The following NUAK2 variants were observed in gnomAD, a reference collection of about 807,000 sequenced individuals.
NUAK2 encodes NUAK family SNF1-like kinase 2.
A neutral mutation model predicts 29.8 loss-of-function variants in NUAK2; 20 were observed. The ratio of observed to expected loss-of-function variants is 0.67; its 90% CI spans 0.47 to 0.98. The LOEUF is 0.98. Ranked by LOEUF, NUAK2 falls within the 50% of genes least tolerant of loss-of-function variation. The probability of loss-of-function intolerance (pLI) is 0.00; values close to 1 mark genes in which losing one functional copy is unlikely to be tolerated. For missense variants in NUAK2, 719 were observed against 834.5 expected (o/e 0.86, Z 1.71); for synonymous variants, 331 against 342.6 (o/e 0.97, Z 0.37).
Position 205,311,590 on chromosome 1 carries a change from C to G in NUAK2, c.352+115G>C. On this transcript the variant is annotated intron_variant, in intron 2 of 6. Coordinates refer to ENST00000367157, the MANE Select transcript of NUAK2 (RefSeq NM_030952.3). ...ATCCAGCTCCTGCTCTTCTCTAGAG[C>G]CTATATTTTTTTTACTTCTTTATGT... 4 of 1,350,032 alleles carry G rather than the reference C, an allele frequency of 3.0e-6. No individual in the cohort carries two copies. In the South Asian group the frequency reaches 4.0e-5, roughly 13 times the overall value. The allele number at this position is 1,350,032 out of a possible 1,614,324, so 83.6% of individuals were successfully genotyped here.
At chr1:205,309,812 G>C (rs982232964) in intron 2 of NUAK2, among the ~76,000 whole-genome samples, 2 of 152,202 alleles carry the variant, frequency 1.3e-5, no homozygotes, top group African/African-American at 4.8e-5. Flanking sequence ...CCAGGGCAGG[G>C]CCTCATGCAT....
At position 205,303,780 on chromosome 1, in the gene NUAK2, G is replaced by C. The variant is rs1335638224; in HGVS notation, c.1557C>G (p.Thr519=). The C allele has an allele frequency of 1.9e-6, 3 of 1,559,832 alleles. No individual in the cohort carries two copies. The Admixed American group carries it at 5.7e-5, about 29-fold the overall frequency. ...CGAGTTCATCCAGGGAGCCGAAGGT[G>C]GTGGGGGCCGCGAGCTCCAAGGCTG... The part of the protein sequence containing the change: ...SQTALELAAP[T]TFGSLDELAP... Residue 519 remains threonine, a synonymous_variant, in exon 7 of 7, where the codon ACC becomes ACG. Coordinates refer to ENST00000367157, the MANE Select transcript of NUAK2 (RefSeq NM_030952.3).
rs1396328394 is a variant in NUAK2, at chr1:205,311,817, G to A, written c.240C>T (p.Ile80=). The part of the protein sequence containing the change: ...ARESSGRLVA[I]KSIRKDKIKD... Reference sequence around the variant, plus strand: ...TGATTTTGTCCTTCCGGATTGACTTGATGGCCACCTGGGAAGAGAAGGCAT... The same window carrying A: ...TGATTTTGTCCTTCCGGATTGACTTAATGGCCACCTGGGAAGAGAAGGCAT... The change falls in exon 2 of 7, where the codon ATC becomes ATT. Residue 80 remains isoleucine, a synonymous_variant. Coordinates refer to ENST00000367157, the MANE Select transcript of NUAK2 (RefSeq NM_030952.3). 6 of 1,613,892 alleles carry A rather than the reference G, an allele frequency of 3.7e-6. No individual in the cohort carries two copies. The highest frequency in any genetic ancestry group is 5.1e-6 in the Non-Finnish European group (6 of 1,179,982).
intron 1 of NUAK2, among the ~76,000 whole-genome samples, chr1:205,313,100 T>C (rs960157497): frequency 2.6e-5 from 4 of 152,160 alleles, no homozygotes; most frequent in Non-Finnish European, 5.9e-5. Context: ...TTAATGTGCA[T>C]AGTGTTTCGG....
intron 1 of NUAK2, among the ~76,000 whole-genome samples, chr1:205,320,169 C>T (rs1199169197): frequency 1.3e-5 from 2 of 152,242 alleles, no homozygotes; most frequent in Admixed American, 6.5e-5. Context: ...CAGTTAACCA[C>T]TGCTAACTAA....
rs778335391 is a variant in NUAK2 at position 205,308,607 on chromosome 1, C to T, written c.478G>A (p.Val160Ile). The T allele has an allele frequency of 1.2e-5, 20 of 1,613,902 alleles. No individual in the cohort carries two copies. The highest frequency in any genetic ancestry group is 4.5e-5 in the East Asian group (2 of 44,880). Residue 160 changes from valine to isoleucine, a missense_variant, in exon 3 of 7, where the codon GTC becomes ATC. By Grantham distance (29) the Val-to-Ile change is conservative (BLOSUM62 3). This residue lies in a region of NUAK2 where 283 missense variants were observed against 345.6 expected (regional missense o/e 0.82). Transcript: ENST00000367157. The surrounding 1 kb of genome is among the most constrained non-coding windows in gnomAD (Gnocchi z 4.1). Reference protein sequence around the residue: ...REARHFFRQIVSAVHYCHQNR... With the variant: ...REARHFFRQIISAVHYCHQNR... ...TGATGGCAATAGTGCACGGCAGAGA[C>T]GATCTGCCGGAAGAAATGCCTAGCT...
In NUAK2 at chr1:205,308,844, C is replaced by G; in HGVS notation, c.353-112G>C. On this transcript the variant is annotated intron_variant, in intron 2 of 6. Coordinates refer to ENST00000367157, the MANE Select transcript of NUAK2 (RefSeq NM_030952.3). This position sits in a 1 kb window ranked among gnomAD's most constrained non-coding sequence, Gnocchi z 4.1. ...CCCCAAACCAGACAGGACCCCCCTC[C>G]AGGAATATCTGCTAATGGGGCTATA... 8.3e-7 allele frequency: 1 copy of G among 1,211,648 alleles called. No homozygotes were observed. The highest frequency in any genetic ancestry group is 1.2e-6 in the Non-Finnish European group (1 of 853,438). 75.1% of individuals were successfully genotyped at this position (1,211,648 alleles called of 1,614,324 possible).
intron 1 of NUAK2, among the ~76,000 whole-genome samples, chr1:205,313,759 C>T (rs1185123973): frequency 2.0e-5 from 3 of 151,752 alleles, no homozygotes; most frequent in East Asian, 3.9e-4. Context: ...ACAGATGCCA[C>T]GGGGCCCTCA....
chr1:205,308,878 A>G lies in NUAK2; in HGVS notation c.353-146T>C. ...CTGCTAATGGGGCTATACGGTGGCAAATAAGGGCAGAAGAAGGGCCTTGGA... is the reference window on the plus strand; with the variant it reads ...CTGCTAATGGGGCTATACGGTGGCAGATAAGGGCAGAAGAAGGGCCTTGGA... On this transcript the variant is annotated intron_variant, in intron 2 of 6. Transcript: ENST00000367157. The surrounding 1 kb of genome is among the most constrained non-coding windows in gnomAD (Gnocchi z 4.1). 1.2e-6 allele frequency: 1 copy of G among 862,146 alleles called. No homozygotes were observed. The highest frequency in any genetic ancestry group is 1.8e-6 in the Non-Finnish European group (1 of 566,576). The allele number at this position is 862,146 out of a possible 1,614,324, so 53.4% of individuals were successfully genotyped here. A position where few individuals can be genotyped will look rare whatever the true frequency, so the allele number is the denominator to read the frequency against.
At position 205,304,773 on chromosome 1, in the gene NUAK2, G is replaced by A. The variant is rs1232222611; in HGVS notation, c.824-260C>T. 2.6e-5 allele frequency among the ~76,000 whole-genome samples: 4 copies of A among 152,170 alleles called. No individual in the cohort carries two copies. Among genetic ancestry groups the A allele is most frequent in the African/African-American group, 9.7e-5 (4 of 41,438 alleles). On this transcript the variant is annotated intron_variant, in intron 6 of 6. Transcript: ENST00000367157. This position sits in a 1 kb window ranked among gnomAD's most constrained non-coding sequence, Gnocchi z 6.5. ...CCCCTTCATAAGCCCTTGTGTGTATGTTGGTGTCTATCCTCTCTCTCTCCA... is the reference window on the plus strand; with the variant it reads ...CCCCTTCATAAGCCCTTGTGTGTATATTGGTGTCTATCCTCTCTCTCTCCA...
intron 1 of NUAK2, among the ~76,000 whole-genome samples, chr1:205,318,062 C>T (rs1189581284): frequency 6.6e-6 from 1 of 152,190 alleles, no homozygotes; most frequent in Non-Finnish European, 1.5e-5. Flanking sequence ...AATTATCACC[C>T]CTACTTTACA....
intron 1 of NUAK2, among the ~76,000 whole-genome samples, chr1:205,320,740 C>G (rs897202925): frequency 2.6e-5 from 4 of 152,178 alleles, no homozygotes; most frequent in Admixed American, 2.6e-4. Flanking sequence ...CTCCTACGCT[C>G]GCACCAAAGT....
chr1:205,303,754 G>T lies in NUAK2; in HGVS notation c.1583C>A (p.Ala528Asp), dbSNP rs753584463. The T allele has an allele frequency of 7.6e-5, 117 of 1,545,400 alleles. 2 individuals are homozygous for T. The Middle Eastern group carries it at 7.2e-3, about 95-fold the overall frequency. The change falls in exon 7 of 7, where the codon GCC becomes GAC. Residue 528 changes from alanine (A) to aspartate (D), a missense_variant. Around this residue, in one of 3 missense-constraint regions of NUAK2, gnomAD observed 430 missense variants for 465.7 expected, o/e 0.92. Transcript: ENST00000367157. ...PTTFGSLDEL[A>D]PPRPLARASR... ...GGCCCGGGCCAGGGGGCGAGGTGGG[G>T]CGAGTTCATCCAGGGAGCCGAAGGT...
chr1:205,311,487 C>T (rs1237425451), intron 2 of NUAK2, among the ~76,000 whole-genome samples: 1 of 152,304 alleles, frequency 6.6e-6, no homozygotes, highest in African/African-American at 2.4e-5. Context: ...GATGGGATTA[C>T]CCCATTTTAT....
chr1:205,305,933 C>T (rs4951194), intron 5 of NUAK2, among the ~76,000 whole-genome samples: 75,897 of 151,994 alleles, frequency 0.5, 19,763 homozygotes, highest in East Asian at 0.87. Context: ...AGGCTAGTCT[C>T]GAACTCCTGA....
intron 2 of NUAK2, among the ~76,000 whole-genome samples, chr1:205,309,347 G>A (rs924441900): frequency 1.3e-5 from 2 of 152,156 alleles, no homozygotes; most frequent in Non-Finnish European, 2.9e-5. Flanking sequence ...TATTTATTGA[G>A]ACAGAGTCTC....
Position 205,303,591 on chromosome 1 carries a change from C to T in NUAK2, c.1746G>A (p.Glu582=), listed in dbSNP as rs143926500. ...AGCTTCCAGGGCCCTCTGAGGGGGG[C>T]TCCTCAAGCCCCGTGAGGTTGTCCA... ...VSVDNLTGLE[E]PPSEGPGSCL... is the part of the protein sequence containing the mutation. Residue 582 remains glutamate (E), a synonymous_variant, in exon 7 of 7, where the codon GAG becomes GAA. Transcript: ENST00000367157. 154 of 1,612,726 alleles carry T rather than the reference C, an allele frequency of 9.5e-5. No homozygotes were observed. The highest frequency in any genetic ancestry group is 2.3e-4 in the African/African-American group (17 of 74,908).
rs112824093 is a variant in NUAK2, at chr1:205,321,096, C to G, written c.231+302G>C. ...TCAACTTAAGTCCCATCCATCTTATCCCAGGACACGACACGATTCGTTTTT... is the reference window on the plus strand; with the variant it reads ...TCAACTTAAGTCCCATCCATCTTATGCCAGGACACGACACGATTCGTTTTT... On this transcript the variant is annotated intron_variant, in intron 1 of 6. Coordinates refer to ENST00000367157, the MANE Select transcript of NUAK2 (RefSeq NM_030952.3). Among the ~76,000 whole-genome samples the G allele has an allele frequency of 6.8e-3, 1,035 of 152,354 alleles. 14 individuals carry two copies. Among genetic ancestry groups the G allele is most frequent in the African/African-American group, 0.024 (993 of 41,574 alleles).
chr1:205,308,372 T>G lies in NUAK2; in HGVS notation c.505-142A>C. ...GGCTGGGAATGCCTATCTTTATCGG[T>G]ATGTGCTGCAAGAAATCACGGGCCC... On this transcript the variant is annotated intron_variant, in intron 3 of 6. Coordinates refer to ENST00000367157, the MANE Select transcript of NUAK2 (RefSeq NM_030952.3). This position sits in a 1 kb window ranked among gnomAD's most constrained non-coding sequence, Gnocchi z 4.1. 1.3e-6 allele frequency: 1 copy of G among 786,116 alleles called. No homozygotes were observed. The highest frequency in any genetic ancestry group is 1.8e-5 in the South Asian group (1 of 56,898). 48.7% of individuals were successfully genotyped at this position (786,116 alleles called of 1,614,324 possible). A position where few individuals can be genotyped will look rare whatever the true frequency, so the allele number is the denominator to read the frequency against.
Sources: gnomAD v4.1 joint callset for allele counts (sites outside exome capture counted in the v4.1 genomes callset) on GRCh38, gnomAD v4.1.1 for gene constraint, gnomAD v4.1.1 regional missense constraint, Gnocchi (gnomAD v3.1) non-coding constraint, MANE v1.5 for transcripts, NCBI Gene and HGNC (gene_info 2026-07-23, HGNC 2026-07-21) for gene names.